MECOM: variants seen among roughly 807,000 people sequenced by gnomAD.
MECOM encodes MDS1 and EVI1 complex locus, also known as histone-lysine N-methyltransferase MECOM.
Under a neutral mutation model 116.3 loss-of-function variants are expected in MECOM, and 13 were observed. The observed-to-expected ratio is 0.11, with a 90% CI of 0.07 to 0.18. MECOM has a LOEUF of 0.18. Among genes scored for constraint, MECOM ranks in the 10% least tolerant of loss-of-function variants. The pLI is 1.00. For missense variants in MECOM, 1,299 were observed against 1,509.0 expected, an observed-to-expected ratio of 0.86 and a Z score of 2.31; for synonymous variants, 528 against 535.2, an observed-to-expected ratio of 0.99 and a Z score of 0.19.
chr3:169,220,018 T>C (rs1199857929), intron 2 of MECOM, among the ~76,000 whole-genome samples: 2 of 150,916 alleles, frequency 1.3e-5, no homozygotes, highest in African/African-American at 4.8e-5. Flanking sequence ...TAAATATACA[T>C]TTTCTAACTA....
At chr3:169,196,991 G>T (rs1369453648) in intron 2 of MECOM, among the ~76,000 whole-genome samples, 1 of 151,980 alleles carries the variant, frequency 6.6e-6, no homozygotes, top group African/African-American at 2.4e-5. Context: ...CATGAAAAAA[G>T]AATGAGATAA....
intron 7 of MECOM, among the ~76,000 whole-genome samples, chr3:169,120,524 G>A (rs576601566): frequency 8.5e-5 from 13 of 152,218 alleles, no homozygotes; most frequent in Middle Eastern, 3.4e-3. Context: ...CTACAGATCC[G>A]ACAGCCTGTG....
chr3:169,091,933 C>A, intron 14 of MECOM, among the ~76,000 whole-genome samples: 1 of 152,036 alleles, frequency 6.6e-6, no homozygotes, highest in East Asian at 1.9e-4. Flanking sequence ...GAACTTTTAA[C>A]TAATTTCATG....
At chr3:169,597,620 C>A (rs1186876121) in intron 1 of MECOM, among the ~76,000 whole-genome samples, 1 of 152,182 alleles carries the variant, frequency 6.6e-6, no homozygotes, top group African/African-American at 2.4e-5. Flanking sequence ...GATACACAGA[C>A]TACAATTTCA....
At chr3:169,569,942 C>G (rs1445572102) in intron 1 of MECOM, among the ~76,000 whole-genome samples, 1 of 151,998 alleles carries the variant, frequency 6.6e-6, no homozygotes, top group African/African-American at 2.4e-5. Flanking sequence ...ACTAGAGAAG[C>G]AAGAGCAAAC....
Position 169,414,153 on chromosome 3 carries a change from G to T in MECOM, c.38-32629C>A, listed in dbSNP as rs546439993. On this transcript the variant is annotated intron_variant, in intron 1 of 16. Coordinates refer to ENST00000651503, the MANE Select transcript of MECOM (RefSeq NM_004991.4). ...TAAAGGACAGCTCCGGCTGGTATAT[G>T]GTGGGTGCCCCCCTGGTATGAAGCT... Among the ~76,000 whole-genome samples the T allele has an allele frequency of 2.6e-5, 4 of 152,294 alleles. No homozygotes were observed. In the East Asian group the frequency reaches 7.7e-4, roughly 29 times the overall value.
At chr3:169,328,893 T>G (rs914844627) in intron 2 of MECOM, among the ~76,000 whole-genome samples, 2 of 152,176 alleles carry the variant, frequency 1.3e-5, no homozygotes, top group African/African-American at 4.8e-5. Flanking sequence ...CTAACCATGT[T>G]AATATAAAAC....
chr3:169,562,958 G>A (rs537506370), intron 1 of MECOM, among the ~76,000 whole-genome samples: 154 of 151,846 alleles, frequency 1.0e-3, no homozygotes, highest in Middle Eastern at 3.4e-3. Context: ...CAGCTACTTG[G>A]GAGGCTGAGG....
chr3:169,360,332 G>GA (rs1238296288), intron 2 of MECOM, among the ~76,000 whole-genome samples: 38 of 51,574 alleles, frequency 7.4e-4, no homozygotes, highest in South Asian at 1.4e-3. Flanking sequence ...AAAAAAAAAA[G>GA]AAAAAAAAAA....
chr3:169,461,951 G>A (rs1331271287), intron 1 of MECOM, among the ~76,000 whole-genome samples: 1 of 152,086 alleles, frequency 6.6e-6, no homozygotes, highest in African/African-American at 2.4e-5. Context: ...TTTTGAAGAA[G>A]AGCTACCTTC....
At chr3:169,587,496 G>A (rs982122851) in intron 1 of MECOM, among the ~76,000 whole-genome samples, 1 of 150,100 alleles carries the variant, frequency 6.7e-6, no homozygotes, top group East Asian at 1.9e-4. Context: ...TGTTGAATGG[G>A]CCAACTCAAA....
At chr3:169,393,152 A>C (rs773345009) in intron 1 of MECOM, among the ~76,000 whole-genome samples, 1 of 152,138 alleles carries the variant, frequency 6.6e-6, no homozygotes, top group Non-Finnish European at 1.5e-5. Context: ...CCTACAAATG[A>C]TCCAAACCAC....
In MECOM at chr3:169,572,565, A is replaced by G. The variant is rs1426822322; in HGVS notation, c.37+90771T>C. Among the ~76,000 whole-genome samples the G allele has an allele frequency of 3.9e-5, 6 of 152,218 alleles. No homozygotes were observed. In the East Asian group the frequency reaches 1.2e-3, roughly 29 times the overall value. Reference sequence around the variant, plus strand: ...ACATATGTTTATTGCAGCACTATTCATAATAGCAAAGACTTGGAACCAACC... The same window carrying G: ...ACATATGTTTATTGCAGCACTATTCGTAATAGCAAAGACTTGGAACCAACC... On this transcript the variant is annotated intron_variant, in intron 1 of 16. Coordinates refer to ENST00000651503, the MANE Select transcript of MECOM (RefSeq NM_004991.4).
chr3:169,597,782 C>T (rs1018800997), intron 1 of MECOM, among the ~76,000 whole-genome samples: 5 of 152,088 alleles, frequency 3.3e-5, no homozygotes, highest in African/African-American at 1.2e-4. Context: ...GGAGTATCAA[C>T]ACACAAGGCC....
intron 2 of MECOM, among the ~76,000 whole-genome samples, chr3:169,212,871 C>G (rs1750951850): frequency 6.6e-6 from 1 of 151,310 alleles, no homozygotes; most frequent in East Asian, 2.0e-4. Flanking sequence ...GGAATGCTCT[C>G]CTGCCTGGTT....
rs1738221234 is a variant in MECOM at position 169,414,710 on chromosome 3, A to T, written c.38-33186T>A. 2.0e-5 allele frequency among the ~76,000 whole-genome samples: 3 copies of T among 152,192 alleles called. No homozygotes were observed. In the South Asian group the frequency reaches 6.2e-4, roughly 32 times the overall value. On this transcript the variant is annotated intron_variant, in intron 1 of 16. Coordinates refer to ENST00000651503, the MANE Select transcript of MECOM (RefSeq NM_004991.4). Reference sequence around the variant, plus strand: ...CGTAAGTGATCTGATGGAGCTGAAAAACACAGCACGAGAACTTCGTGAAGC... The same window carrying T: ...CGTAAGTGATCTGATGGAGCTGAAATACACAGCACGAGAACTTCGTGAAGC...
intron 2 of MECOM, among the ~76,000 whole-genome samples, chr3:169,284,297 T>C (rs184841877): frequency 6.6e-6 from 1 of 152,300 alleles, no homozygotes; most frequent in East Asian, 1.9e-4. Context: ...GGGGTCACAT[T>C]CTAGCAGCCT....
intron 2 of MECOM, among the ~76,000 whole-genome samples, chr3:169,286,415 C>T (rs937951639): frequency 6.6e-6 from 1 of 152,170 alleles, no homozygotes; most frequent in African/African-American, 2.4e-5. Context: ...ATCCTCGATG[C>T]AGAGCCTGAG....
At chr3:169,100,786 A>G in intron 12 of MECOM, 99 bp downstream of exon 12, 1 of 657,454 alleles carries the variant, frequency 1.5e-6, no homozygotes, top group Non-Finnish European at 2.1e-6. Flanking sequence ...TAAAATTTAA[A>G]CTTTAATTAT....
Sources: gnomAD v4.1 joint callset for allele counts (sites outside exome capture counted in the v4.1 genomes callset) on GRCh38, gnomAD v4.1.1 for gene constraint, MANE v1.5 for transcripts, NCBI Gene and HGNC (gene_info 2026-07-23, HGNC 2026-07-21) for gene names.